The following KIF1A variants were observed in gnomAD, a reference collection of about 807,000 sequenced individuals.
KIF1A encodes the protein kinesin-like protein KIF1A.
In KIF1A, 46 loss-of-function variants were observed where a neutral mutation model predicts 227.3. The observed-to-expected ratio is 0.20, with a 90% confidence interval of 0.16 to 0.26. KIF1A has a LOEUF of 0.26. Ranked by LOEUF, KIF1A falls within the 10% of genes least tolerant of loss-of-function variation. KIF1A has a pLI of 1.00. For synonymous variants in KIF1A, 1,022 were observed against 1,012.8 expected (o/e 1.01, Z -0.17); for missense variants, 1,683 against 2,485.9 (o/e 0.68, Z 6.87).
intron 6 of KIF1A, among the ~76,000 whole-genome samples, chr2:240,785,784 A>G (rs2054663195): frequency 6.6e-6 from 1 of 152,162 alleles, no homozygotes; most frequent in African/African-American, 2.4e-5. Flanking sequence ...GATGGCGCAG[A>G]GTGTGACTCA....
chr2:240,745,899 T>G lies in KIF1A; in HGVS notation c.3213A>C (p.Pro1071=), dbSNP rs201232478. 171 of 1,603,336 alleles carry G rather than the reference T, an allele frequency of 1.1e-4. No individual in the cohort carries two copies. In the East Asian group the frequency reaches 3.6e-3, roughly 34 times the overall value. ...VNNNTCSAVP[P]EGLLLDSSEK... is the part of the protein sequence containing the mutation. ...CAGAGCTGTCTAGGAGGAGGCCTTC[T>G]GGGGGCACTGCTGCTGGGAGTCAAG... The change falls in exon 31 of 49, where the codon CCA becomes CCC. Residue 1071 remains proline, a synonymous_variant. Coordinates refer to ENST00000498729, the MANE Select transcript of KIF1A (RefSeq NM_001244008.2).
At chr2:240,759,141 ATGAGTGTGTG>A (rs1422711281) in intron 25 of KIF1A, among the ~76,000 whole-genome samples, 2 of 98,344 alleles carry the variant, frequency 2.0e-5, no homozygotes, top group African/African-American at 8.7e-5. Flanking sequence ...ATGAATGCTT[ATGAGTGTGTG>A]TGTGTGTGTG....
In KIF1A at chr2:240,736,997, T is replaced by A. The variant is rs2047397692; in HGVS notation, c.4007+66A>T. On this transcript the variant is annotated intron_variant, in intron 38 of 48. Coordinates refer to ENST00000498729, the MANE Select transcript of KIF1A (RefSeq NM_001244008.2). The surrounding 1 kb of genome is among the most constrained non-coding windows in gnomAD (Gnocchi z 4.7). ...TTGTGTGGCTGAACCCTGTGCCGGG[T>A]TGGCTGAGGGCCTGGCAGGCTGGGA... 7.5e-7 allele frequency: 1 copy of A among 1,324,578 alleles called. No individual in the cohort carries two copies. The highest frequency in any genetic ancestry group is 1.7e-5 in the Admixed American group (1 of 59,102). 82.1% of individuals were successfully genotyped at this position (1,324,578 alleles called of 1,614,324 possible). A position where few individuals can be genotyped will look rare whatever the true frequency, so the allele number is the denominator to read the frequency against.
chr2:240,768,399 C>T (rs1304619235), intron 17 of KIF1A, among the ~76,000 whole-genome samples: 2 of 152,242 alleles, frequency 1.3e-5, no homozygotes, highest in Admixed American at 6.5e-5. Flanking sequence ...GACCTCAGCG[C>T]GTGCTGGGCC....
intron 29 of KIF1A, 128 bp from the exon 30 acceptor site, chr2:240,746,305 C>A: frequency 9.1e-7 from 1 of 1,099,260 alleles, no homozygotes; most frequent in Non-Finnish European, 1.3e-6. Flanking sequence ...CATGAACCCA[C>A]GCACCAGACC....
intron 1 of KIF1A, among the ~76,000 whole-genome samples, chr2:240,819,818 A>AC (rs1468750781): frequency 6.6e-6 from 1 of 150,670 alleles, no homozygotes; most frequent in Non-Finnish European, 1.5e-5. Flanking sequence ...CCCGAGGGCG[A>AC]CCCCCGCCCG....
chr2:240,821,262 G>A (rs2058687145), upstream of KIF1A, among the ~76,000 whole-genome samples: 1 of 152,204 alleles, frequency 6.6e-6, no homozygotes, highest in African/African-American at 2.4e-5. Flanking sequence ...CCTCCCTGGC[G>A]CCCAGCAGGG....
chr2:240,815,007 G>T (rs1277050354), intron 1 of KIF1A, among the ~76,000 whole-genome samples: 1 of 152,192 alleles, frequency 6.6e-6, no homozygotes, highest in South Asian at 2.1e-4. Flanking sequence ...TGACGCAAAG[G>T]GTGTGGGGCC....
chr2:240,736,586 G>A lies in KIF1A; in HGVS notation c.4007+477C>T, dbSNP rs532027299. Among the ~76,000 whole-genome samples, 8 of 152,322 alleles carry A rather than the reference G, an allele frequency of 5.3e-5. No individual in the cohort carries two copies. Among genetic ancestry groups the A allele is most frequent in the South Asian group, 2.1e-4 (1 of 4,826 alleles). ...CCGCCCAGACTGTGGGGTCTTGGCCGTGCAAGGAGTGTAGGAAGGAGCAGC... is the reference window on the plus strand; with the variant it reads ...CCGCCCAGACTGTGGGGTCTTGGCCATGCAAGGAGTGTAGGAAGGAGCAGC... On this transcript the variant is annotated intron_variant, in intron 38 of 48. Transcript: ENST00000498729. The surrounding 1 kb of genome is among the most constrained non-coding windows in gnomAD (Gnocchi z 4.7).
chr2:240,809,169 C>A (rs2057670703), intron 1 of KIF1A, among the ~76,000 whole-genome samples: 1 of 152,148 alleles, frequency 6.6e-6, no homozygotes, highest in Non-Finnish European at 1.5e-5. Context: ...CAAATTGATT[C>A]AAAAACTCAA....
chr2:240,786,596 AGGGG>A, intron 5 of KIF1A, 83 bp from the exon 6 acceptor site: 2 of 1,246,860 alleles, frequency 1.6e-6, no homozygotes, highest in Non-Finnish European at 1.1e-6. Flanking sequence ...GTGAGGGGGT[AGGGG>A]TCAACATAAG....
Position 240,786,805 on chromosome 2 carries a change from C to CAGT in KIF1A, c.430-293_430-292insACT, listed in dbSNP as rs1559530271. On this transcript the variant is annotated intron_variant, in intron 5 of 48. Coordinates refer to ENST00000498729, the MANE Select transcript of KIF1A (RefSeq NM_001244008.2). ...CCCTGAGTGAGGGGGTGGGGGCTGC[C>CAGT]ATCAGGACCCCTGAGTGAGAGGGTG... Among the ~76,000 whole-genome samples the CAGT allele has an allele frequency of 5.4e-3, 712 of 130,970 alleles. 32 individuals carry two copies. The highest frequency in any genetic ancestry group is 0.013 in the African/African-American group (378 of 29,844). 85.9% of individuals were successfully genotyped at this position (130,970 alleles called of 152,430 possible).
At position 240,766,876 on chromosome 2, in the gene KIF1A, G is replaced by C. The variant is rs758265944; in HGVS notation, c.1684+39C>G. On this transcript the variant is annotated intron_variant, in intron 19 of 48. Transcript: ENST00000498729. This position sits in a 1 kb window ranked among gnomAD's most constrained non-coding sequence, Gnocchi z 5.0. ...ATTCAGGCCTGATCATCACGGCACA[G>C]GGGCATGGGTGCGGGTAGGGACGGT... 2.8e-6 allele frequency: 4 copies of C among 1,429,456 alleles called. No individual in the cohort carries two copies. In the Admixed American group the frequency reaches 7.5e-5, roughly 27 times the overall value. 88.5% of individuals were successfully genotyped at this position (1,429,456 alleles called of 1,614,324 possible). A position where few individuals can be genotyped will look rare whatever the true frequency, so the allele number is the denominator to read the frequency against.
chr2:240,775,197 T>C lies in KIF1A; in HGVS notation c.958+654A>G, dbSNP rs1221814460. On this transcript the variant is annotated intron_variant, in intron 11 of 48. Transcript: ENST00000498729. The surrounding 1 kb of genome is among the most constrained non-coding windows in gnomAD (Gnocchi z 5.5). Reference sequence around the variant, plus strand: ...GGAGCAAGCATGGCTAGTTGTGGGGTGCAGAGGTGGTCAGCCAGGGCTCTG... The same window carrying C: ...GGAGCAAGCATGGCTAGTTGTGGGGCGCAGAGGTGGTCAGCCAGGGCTCTG... Among the ~76,000 whole-genome samples the C allele has an allele frequency of 6.6e-6, 1 of 152,002 alleles. No individual in the cohort carries two copies. The highest frequency in any genetic ancestry group is 1.5e-5 in the Non-Finnish European group (1 of 67,994).
intron 1 of KIF1A, among the ~76,000 whole-genome samples, chr2:240,798,286 A>C (rs2056625709): frequency 6.6e-6 from 1 of 152,268 alleles, no homozygotes; most frequent in Non-Finnish European, 1.5e-5. Flanking sequence ...GCTGGTAGCC[A>C]CATCAGCAGT....
Position 240,773,347 on chromosome 2 carries a change from C to T in KIF1A, c.1038-91G>A, listed in dbSNP as rs1368646667. ...GCCTAGAGCCCTGCCCAAGACCCAG[C>T]CTTTTGGGCTCAGCAGCCAGGCCAA... On this transcript the variant is annotated intron_variant, in intron 12 of 48. Coordinates refer to ENST00000498729, the MANE Select transcript of KIF1A (RefSeq NM_001244008.2). 38 of 1,515,876 alleles carry T rather than the reference C, an allele frequency of 2.5e-5. 1 individual carries two copies. Among genetic ancestry groups the T allele is most frequent in the Middle Eastern group, 3.6e-4 (2 of 5,558 alleles). 93.9% of individuals were successfully genotyped at this position (1,515,876 alleles called of 1,614,324 possible). A position where few individuals can be genotyped will look rare whatever the true frequency, so the allele number is the denominator to read the frequency against.
chr2:240,714,674 A>T lies in KIF1A; in HGVS notation c.*2690T>A, dbSNP rs934816254. 1 of 152,140 alleles carries T rather than the reference A, an allele frequency of 6.6e-6. No homozygotes were observed. Among genetic ancestry groups the T allele is most frequent in the Non-Finnish European group, 1.5e-5 (1 of 68,026 alleles). 9.4% of individuals were successfully genotyped at this position (152,140 alleles called of 1,614,324 possible). A position where few individuals can be genotyped will look rare whatever the true frequency, so the allele number is the denominator to read the frequency against. ...CTGGGGAGCTCAAGGAAGGCAGCTA[A>T]CGTGGTCCCTAGGTGGTTTCTGGCA... is the stretch of plus-strand genomic sequence containing the variant. On this transcript the variant is annotated 3_prime_UTR_variant, in exon 49 of 49. Coordinates refer to ENST00000498729, the MANE Select transcript of KIF1A (RefSeq NM_001244008.2).
intron 27 of KIF1A, among the ~76,000 whole-genome samples, chr2:240,754,437 A>G (rs921431272): frequency 1.3e-5 from 2 of 152,170 alleles, no homozygotes; most frequent in Admixed American, 6.5e-5. Context: ...AGGGCCCTGA[A>G]TCCACTGCCC....
chr2:240,767,038 C>A lies in KIF1A; in HGVS notation c.1578-17G>T, dbSNP rs747451923. The A allele has an allele frequency of 3.7e-5, 58 of 1,576,856 alleles. No homozygotes were observed. Among genetic ancestry groups the A allele is most frequent in the Non-Finnish European group, 4.9e-5 (57 of 1,153,362 alleles). On this transcript the variant is annotated splice_polypyrimidine_tract_variant and intron_variant, in intron 18 of 48. Coordinates refer to ENST00000498729, the MANE Select transcript of KIF1A (RefSeq NM_001244008.2). ...CTGCCCACTCTGCGGGGTGGGGGCACCATCAGCACGGCAGCTGGGACCCAA... is the reference window on the plus strand; with the variant it reads ...CTGCCCACTCTGCGGGGTGGGGGCAACATCAGCACGGCAGCTGGGACCCAA...
Sources: allele counts gnomAD v4.1 joint callset (sites outside exome capture counted in the v4.1 genomes callset), GRCh38; gene constraint gnomAD v4.1.1; non-coding constraint Gnocchi (gnomAD v3.1); transcripts MANE v1.5; gene names NCBI Gene and HGNC (gene_info 2026-07-23, HGNC 2026-07-21).